PPEF1: variants seen among roughly 807,000 people sequenced by gnomAD.
PPEF1 encodes serine/threonine-protein phosphatase with EF-hands 1.
In PPEF1, 12 loss-of-function variants were observed where a neutral mutation model predicts 53.3. The observed-to-expected ratio is 0.23, with a 90% CI of 0.14 to 0.36. The LOEUF (loss-of-function observed/expected upper bound fraction) is 0.36. PPEF1 is among the 10% of genes least tolerant of loss of function. The pLI, the probability that PPEF1 is intolerant of heterozygous loss-of-function variation, is 1.00. For synonymous variants in PPEF1, 165 were observed against 176.7 expected (o/e 0.93, Z 0.52); for missense variants, 334 against 490.4 (o/e 0.68, Z 3.01).
intron 5 of PPEF1, among the ~76,000 whole-genome samples, chrX:18,698,603 G>A (rs1239954459): frequency 9.0e-6 from 1 of 111,626 alleles, no homozygotes; most frequent in Admixed American, 9.5e-5. Context: ...TGGCCAACAT[G>A]GTGAAACCTC....
intron 3 of PPEF1, among the ~76,000 whole-genome samples, chrX:18,740,700 C>T (rs1453252498): frequency 3.6e-5 from 4 of 111,647 alleles, no homozygotes; most frequent in African/African-American, 1.3e-4. Context: ...TGAGCCACTG[C>T]ACCCGGCCTC....
chrX:18,723,377 TAA>T (rs1465037489), intron 1 of PPEF1, among the ~76,000 whole-genome samples: 1 of 111,956 alleles, frequency 8.9e-6, no homozygotes, highest in Non-Finnish European at 1.9e-5. Flanking sequence ...AGACAATTTT[TAA>T]AAAAGTATCT....
At chrX:18,682,573 C>T (rs911715776), upstream of PPEF1, among the ~76,000 whole-genome samples, 3 of 111,275 alleles carry the variant, frequency 2.7e-5, no homozygotes, top group African/African-American at 9.8e-5. Context: ...CCATGACTTA[C>T]GCCCCGGCCC....
At chrX:18,742,223 G>A (rs1385457543) in intron 3 of PPEF1, among the ~76,000 whole-genome samples, 1 of 111,751 alleles carries the variant, frequency 8.9e-6, no homozygotes, top group Non-Finnish European at 1.9e-5. Flanking sequence ...GATTGTGTAT[G>A]GGCATTTGAG....
intron 12 of PPEF1, among the ~76,000 whole-genome samples, chrX:18,813,648 G>A (rs1020496619): frequency 2.7e-5 from 3 of 111,090 alleles, no homozygotes; most frequent in African/African-American, 9.8e-5. Flanking sequence ...GATCTTAAGG[G>A]AATGCATTCA....
At chrX:18,761,379 TG>T in intron 5 of PPEF1, 150 bp from the exon 6 acceptor site, 1 of 491,333 alleles carries the variant, frequency 2.0e-6, no homozygotes. Context: ...AAGAGTGCTG[TG>T]GAGACAAATT....
At chrX:18,743,446 C>CTTTTTTTTTTTTTT (rs72264344) in intron 3 of PPEF1, among the ~76,000 whole-genome samples, 10 of 59,320 alleles carry the variant, frequency 1.7e-4, no homozygotes, top group African/African-American at 2.9e-4. Context: ...TTCTCTTTTT[C>CTTTTTTTTTTTTTT]TTTTTTTTTT....
chrX:18,754,632 C>G (rs183700497), intron 4 of PPEF1, among the ~76,000 whole-genome samples: 2 of 111,923 alleles, frequency 1.8e-5, no homozygotes, highest in Admixed American at 9.5e-5. Flanking sequence ...GGGTCACACT[C>G]TGTCACCCAT....
Position 18,697,844 on chromosome X carries a change from G to A in PPEF1, c.-312-1G>A, listed in dbSNP as rs959539635. 3 of 110,774 alleles carry A rather than the reference G, an allele frequency of 2.7e-5. No homozygotes were observed. Among genetic ancestry groups the A allele is most frequent in the African/African-American group, 9.9e-5 (3 of 30,408 alleles). 9.1% of individuals were successfully genotyped at this position (110,774 alleles called of 1,213,427 possible). ...CTGCCCATCATTTTTTCTTTTTTCA[G>A]GCTGGGAGAACACATCCCTGGTCAG... On this transcript the variant is annotated splice_acceptor_variant, in intron 4 of 21. Transcript: ENST00000361511. LOFTEE classifies it low-confidence loss of function (5UTR_SPLICE).
intron 12 of PPEF1, among the ~76,000 whole-genome samples, chrX:18,807,499 T>C (rs2046697910): frequency 8.9e-6 from 1 of 111,821 alleles, no homozygotes; most frequent in African/African-American, 3.2e-5. Context: ...CTTCTTGCTC[T>C]TACAAAAATA....
chrX:18,728,482 A>C (rs980569302), intron 1 of PPEF1, among the ~76,000 whole-genome samples: 2 of 111,232 alleles, frequency 1.8e-5, no homozygotes, highest in African/African-American at 6.5e-5. Flanking sequence ...CCCCATGATC[A>C]GTTACCTCCC....
intron 5 of PPEF1, among the ~76,000 whole-genome samples, chrX:18,759,836 G>A (rs770247617): frequency 1.5e-4 from 17 of 111,946 alleles, no homozygotes; most frequent in Admixed American, 3.8e-4. Flanking sequence ...GGGATTTTAA[G>A]CAAACTGAGG....
chrX:18,734,596 C>T (rs1246837604), intron 3 of PPEF1, among the ~76,000 whole-genome samples: 1 of 111,226 alleles, frequency 9.0e-6, no homozygotes, highest in Non-Finnish European at 1.9e-5. Context: ...CATACGTGTG[C>T]ATGTCTCTTT....
At position 18,779,096 on chromosome X, in the gene PPEF1, C is replaced by T. The variant is rs1439108516; in HGVS notation, c.645C>T (p.Ile215=). 1.6e-5 allele frequency: 19 copies of T among 1,204,922 alleles called. No homozygotes were observed. Among genetic ancestry groups the T allele is most frequent in the Non-Finnish European group, 2.1e-5 (19 of 889,652 alleles). The change falls in exon 7 of 16, where the codon ATC becomes ATT. Residue 215 remains isoleucine (I), a synonymous_variant. Transcript: ENST00000470157. ...RGKNSIEILM[I]LCVSFLVYPN... ...AGAATTCCATAGAGATCCTAATGAT[C>T]CTGTGTGTGAGTTTTCTTGTCTACC...
At chrX:18,726,444 A>G (rs1441271725) in intron 1 of PPEF1, among the ~76,000 whole-genome samples, 1 of 111,003 alleles carries the variant, frequency 9.0e-6, no homozygotes, top group East Asian at 2.8e-4. Context: ...AGGTTAGGGA[A>G]TGAAGTAACT....
chrX:18,722,119 G>A (rs1399107701), intron 1 of PPEF1, among the ~76,000 whole-genome samples: 1 of 112,149 alleles, frequency 8.9e-6, no homozygotes, highest in Non-Finnish European at 1.9e-5. Context: ...TGGGACAGCC[G>A]CACATTCTGG....
At chrX:18,817,756 C>T (rs772303887) in intron 12 of PPEF1, among the ~76,000 whole-genome samples, 17 of 111,324 alleles carry the variant, frequency 1.5e-4, no homozygotes, top group South Asian at 3.7e-4. Flanking sequence ...ATAGTAAGTT[C>T]CTCTTTATTT....
chrX:18,702,593 C>T (rs1930204564), intron 6 of PPEF1, among the ~76,000 whole-genome samples: 1 of 107,533 alleles, frequency 9.3e-6, no homozygotes, highest in Non-Finnish European at 1.9e-5. Flanking sequence ...TGCTTGGTGG[C>T]GAACGTTAGT....
chrX:18,764,938 C>A (rs1305370747), intron 6 of PPEF1, among the ~76,000 whole-genome samples: 2 of 111,333 alleles, frequency 1.8e-5, no homozygotes, highest in African/African-American at 6.5e-5. Flanking sequence ...ATTCTGTCTG[C>A]AAAACTATAT....
Sources: gnomAD v4.1 joint callset for allele counts (sites outside exome capture counted in the v4.1 genomes callset) on GRCh38, gnomAD v4.1.1 for gene constraint, MANE v1.5 for transcripts, NCBI Gene and HGNC (gene_info 2026-07-23, HGNC 2026-07-21) for gene names.